Variants in SLC2A14 observed in about 807,000 individuals in gnomAD.
The protein encoded by SLC2A14 is solute carrier family 2, facilitated glucose transporter member 14.
A neutral mutation model predicts 43.0 loss-of-function variants in SLC2A14; 13 were observed. That is an observed-to-expected ratio of 0.30 (90% CI 0.20 to 0.48). The LOEUF is 0.48. SLC2A14 is among the 20% of genes least tolerant of loss of function. The pLI is 0.99. For synonymous variants in SLC2A14, 190 were observed against 233.8 expected, an observed-to-expected ratio of 0.81 and a Z score of 1.71; for missense variants, 428 against 620.4, an observed-to-expected ratio of 0.69 and a Z score of 3.29.
intron 1 of SLC2A14, among the ~76,000 whole-genome samples, chr12:7,879,357 C>T (rs1207143752): frequency 6.6e-6 from 1 of 151,102 alleles, no homozygotes; most frequent in Non-Finnish European, 1.5e-5. Flanking sequence ...TGCACCCCAG[C>T]CTGGATGACA....
At chr12:7,890,434 C>T (rs890527408) in intron 1 of SLC2A14, among the ~76,000 whole-genome samples, 5 of 152,094 alleles carry the variant, frequency 3.3e-5, no homozygotes, top group Non-Finnish European at 7.4e-5. Flanking sequence ...CATCCCTTCC[C>T]GACCCCATCC....
intron 1 of SLC2A14, among the ~76,000 whole-genome samples, chr12:7,883,590 C>CTTTTTTTTTTTTTTTTTTTTTTT (rs1204450230): frequency 1.8e-4 from 17 of 95,212 alleles, no homozygotes; most frequent in East Asian, 6.3e-4. Flanking sequence ...TTTTTCTTTT[C>CTTTTTTTTTTTTTTTTTTTTTTT]TTTTTTTTTT....
At chr12:7,871,076 T>C (rs926574910) in intron 1 of SLC2A14, 22 of 1,389,978 alleles carry the variant, frequency 1.6e-5, no homozygotes, top group Non-Finnish European at 2.1e-5. Flanking sequence ...CAGGGCATGA[T>C]GAGCGAGGCC....
At chr12:7,827,077 TTCTTTCTTTCTTTCTTTC>T (rs1394480978) in intron 7 of SLC2A14, among the ~76,000 whole-genome samples, 69 of 43,084 alleles carry the variant, frequency 1.6e-3, no homozygotes, top group Non-Finnish European at 2.5e-3. Context: ...CTCTCTCTCT[TTCTTTCTTTCTTTCTTTC>T]TCTTTCTTTC....
At chr12:7,887,558 C>CAGATAGATAGATAGAT (rs58618647) in intron 1 of SLC2A14, among the ~76,000 whole-genome samples, 1 of 148,424 alleles carries the variant, frequency 6.7e-6, no homozygotes. Context: ...GTAGATAAAT[C>CAGATAGATAGATAGAT]AGATAGATAG....
At chr12:7,870,712 G>T in intron 1 of SLC2A14, 1 of 365,664 alleles carries the variant, frequency 2.7e-6, no homozygotes, top group Non-Finnish European at 4.2e-6. Flanking sequence ...ATTCACACTT[G>T]GAAAAAACAA....
At chr12:7,884,930 T>G (rs1432854168) in intron 1 of SLC2A14, among the ~76,000 whole-genome samples, 2 of 152,078 alleles carry the variant, frequency 1.3e-5, no homozygotes, top group African/African-American at 2.4e-5. Flanking sequence ...AACAATATTG[T>G]TCAAGGTCAG....
chr12:7,865,088 G>A (rs1944834786), intron 2 of SLC2A14, among the ~76,000 whole-genome samples: 1 of 152,092 alleles, frequency 6.6e-6, no homozygotes, highest in Non-Finnish European at 1.5e-5. Flanking sequence ...AGCTCACTTT[G>A]AGTCTCTGTG....
chr12:7,856,030 A>C (rs1416650227), intron 2 of SLC2A14: 3 of 152,092 alleles, frequency 2.0e-5, no homozygotes, highest in Non-Finnish European at 2.9e-5. Context: ...ATATTGTAAA[A>C]ATTTTTATAT....
At position 7,858,388 on chromosome 12, in the gene SLC2A14, T is replaced by A. The variant is rs181671229; in HGVS notation, c.18+11475A>T. Among the ~76,000 whole-genome samples the A allele has an allele frequency of 2.2e-4, 33 of 152,290 alleles. 1 individual carries two copies. The highest frequency in any genetic ancestry group is 1.4e-3 in the Admixed American group (22 of 15,288). On this transcript the variant is annotated intron_variant, in intron 2 of 10. Transcript: ENST00000431042. ...CTGAGTTGTAAAAGGACTTTACATA[T>A]TCTAGATACAAGCCCCTTATCATAC...
intron 7 of SLC2A14, among the ~76,000 whole-genome samples, chr12:7,825,532 G>T (rs1864279321): frequency 6.6e-6 from 1 of 150,936 alleles, no homozygotes; most frequent in Admixed American, 6.6e-5. Context: ...GGGAGGCCGA[G>T]GCGGGCAGAT....
At chr12:7,887,566 TAGATAGATA>T (rs1326101874) in intron 1 of SLC2A14, among the ~76,000 whole-genome samples, 1 of 14,302 alleles carries the variant, frequency 7.0e-5, no homozygotes, top group Non-Finnish European at 1.8e-4. Context: ...ATCAGATAGA[TAGATAGATA>T]GATAGATAGA....
chr12:7,857,730 T>C (rs755320082), intron 2 of SLC2A14, among the ~76,000 whole-genome samples: 25 of 152,142 alleles, frequency 1.6e-4, no homozygotes, highest in Non-Finnish European at 3.4e-4. Flanking sequence ...CTCCCTATGT[T>C]GCCCAGGCTG....
At chr12:7,852,109 A>C (rs1188722736) in intron 2 of SLC2A14, among the ~76,000 whole-genome samples, 2 of 152,190 alleles carry the variant, frequency 1.3e-5, no homozygotes, top group African/African-American at 4.8e-5. Context: ...GTATTTACTT[A>C]GTTTTTAGAG....
chr12:7,843,534 A>AC (rs202090541), intron 2 of SLC2A14, among the ~76,000 whole-genome samples: 25 of 124,926 alleles, frequency 2.0e-4, no homozygotes, highest in Admixed American at 1.5e-3. Flanking sequence ...AAATGTAAAG[A>AC]CCCCCCTCCT....
At chr12:7,878,033 G>A (rs765948964), upstream of SLC2A14, among the ~76,000 whole-genome samples, 9 of 152,068 alleles carry the variant, frequency 5.9e-5, no homozygotes, top group South Asian at 1.7e-3. Flanking sequence ...GAGCCACCAT[G>A]CCCGGCCTTA....
intron 2 of SLC2A14, among the ~76,000 whole-genome samples, chr12:7,845,763 A>C (rs766793472): frequency 8.5e-6 from 1 of 117,912 alleles, no homozygotes; most frequent in South Asian, 3.1e-4. Flanking sequence ...TGGGCGACAC[A>C]GCGAGACTCC....
intron 1 of SLC2A14, among the ~76,000 whole-genome samples, chr12:7,890,225 T>G (rs1474390178): frequency 6.6e-6 from 1 of 151,838 alleles, no homozygotes; most frequent in Non-Finnish European, 1.5e-5. Context: ...GATAGTAATC[T>G]GCTCACTAAG....
intron 2 of SLC2A14, among the ~76,000 whole-genome samples, chr12:7,866,385 G>C (rs1228228139): frequency 1.3e-5 from 2 of 151,954 alleles, no homozygotes; most frequent in Non-Finnish European, 2.9e-5. Flanking sequence ...CTTTGAGATG[G>C]AGTCTTGCTC....
Sources: gnomAD v4.1 joint callset for allele counts (sites outside exome capture counted in the v4.1 genomes callset) on GRCh38, gnomAD v4.1.1 for gene constraint, MANE v1.5 for transcripts, NCBI Gene and HGNC (gene_info 2026-07-23, HGNC 2026-07-21) for gene names.